HDAC9: variants seen among roughly 807,000 people sequenced by gnomAD.
HDAC9 encodes the protein histone deacetylase 9.
In HDAC9, 41 loss-of-function variants were observed where a neutral mutation model predicts 139.4. That is an observed-to-expected ratio of 0.29 (90% CI 0.23 to 0.38). The LOEUF is 0.38. HDAC9 is among the 10% of genes least tolerant of loss of function. The pLI is 1.00. For synonymous variants in HDAC9, 517 were observed against 476.2 expected (o/e 1.09, Z -1.12); for missense variants, 1,147 against 1,297.0 (o/e 0.88, Z 1.78).
At chr7:18,377,984 C>A (rs773745471) in intron 1 of HDAC9, among the ~76,000 whole-genome samples, 11 of 152,200 alleles carry the variant, frequency 7.2e-5, no homozygotes, top group Non-Finnish European at 1.2e-4. Context: ...TAAAGGAGGT[C>A]TCAGATTCCC....
At chr7:18,769,628 A>C (rs1001861165) in intron 16 of HDAC9, among the ~76,000 whole-genome samples, 3 of 152,092 alleles carry the variant, frequency 2.0e-5, no homozygotes, top group Non-Finnish European at 4.4e-5. Context: ...ATTTTTGTTT[A>C]CAGGAATGAA....
chr7:18,875,589 T>A (rs1307781389), intron 22 of HDAC9, among the ~76,000 whole-genome samples: 3 of 152,218 alleles, frequency 2.0e-5, no homozygotes, highest in Non-Finnish European at 4.4e-5. Context: ...ATTTTTAACA[T>A]GTATTATTTA....
intron 6 of HDAC9, among the ~76,000 whole-genome samples, chr7:18,602,581 A>G (rs1361173777): frequency 1.3e-5 from 2 of 151,922 alleles, no homozygotes; most frequent in Non-Finnish European, 2.9e-5. Flanking sequence ...TATATACACA[A>G]TGCTATAAAT....
intron 17 of HDAC9, among the ~76,000 whole-genome samples, chr7:18,800,650 T>A (rs1417887182): frequency 6.6e-6 from 1 of 152,034 alleles, no homozygotes; most frequent in African/African-American, 2.4e-5. Context: ...CTGGACAATA[T>A]GGCAAAACCC....
intron 24 of HDAC9, among the ~76,000 whole-genome samples, chr7:18,968,147 A>G (rs1784003563): frequency 6.6e-6 from 1 of 152,070 alleles, no homozygotes; most frequent in Non-Finnish European, 1.5e-5. Flanking sequence ...GAGCAACAAG[A>G]GCAAAACTCC....
At chr7:18,458,604 A>G (rs1793558965) in intron 1 of HDAC9, among the ~76,000 whole-genome samples, 1 of 152,218 alleles carries the variant, frequency 6.6e-6, no homozygotes. Flanking sequence ...TTAACTGATG[A>G]ATTTTGGTTT....
At chr7:18,639,451 TTTCTTTTTTTG>T (rs370426401) in intron 8 of HDAC9, among the ~76,000 whole-genome samples, 8 of 147,542 alleles carry the variant, frequency 5.4e-5, no homozygotes, top group African/African-American at 2.2e-4. Context: ...TCAAATGATC[TTTCTTTTTTTG>T]TTTTTTGTTT....
chr7:18,848,832 C>A (rs1797081468), intron 21 of HDAC9, among the ~76,000 whole-genome samples: 1 of 152,014 alleles, frequency 6.6e-6, no homozygotes, highest in Non-Finnish European at 1.5e-5. Flanking sequence ...AAGTGTTTCT[C>A]AACAATAAAG....
At chr7:18,138,140 T>A (rs1338130388) in intron 1 of HDAC9, among the ~76,000 whole-genome samples, 1 of 152,236 alleles carries the variant, frequency 6.6e-6, no homozygotes, top group Non-Finnish European at 1.5e-5. Context: ...TTCTGTGGGA[T>A]CGGTGATGAT....
intron 25 of HDAC9, among the ~76,000 whole-genome samples, chr7:18,986,877 T>C (rs1415564102): frequency 2.6e-5 from 4 of 152,170 alleles, no homozygotes; most frequent in African/African-American, 7.2e-5. Flanking sequence ...TTGTCTGTTG[T>C]TGGTGTATAA....
rs528260947 is a variant in HDAC9, at chr7:18,278,258, G to A, written c.25+115909G>A. On this transcript the variant is annotated intron_variant, in intron 2 of 12. Transcript: ENST00000417496. ...TGGGTACTCAGTGACTTTAGAACACGTCAAGAGATTAGCTTCGTGTCTAGA... is the reference window on the plus strand; with the variant it reads ...TGGGTACTCAGTGACTTTAGAACACATCAAGAGATTAGCTTCGTGTCTAGA... Among the ~76,000 whole-genome samples, 9 of 152,266 alleles carry A rather than the reference G, an allele frequency of 5.9e-5. 1 individual carries two copies. Among genetic ancestry groups the A allele is most frequent in the South Asian group, 2.1e-4 (1 of 4,830 alleles).
chr7:18,405,467 C>A (rs1167253413), intron 1 of HDAC9, among the ~76,000 whole-genome samples: 1 of 151,926 alleles, frequency 6.6e-6, no homozygotes, highest in Non-Finnish European at 1.5e-5. Flanking sequence ...TACAGCACAG[C>A]CAGTATAGAA....
At chr7:18,116,366 T>G (rs1294772966) in intron 1 of HDAC9, among the ~76,000 whole-genome samples, 1 of 152,182 alleles carries the variant, frequency 6.6e-6, no homozygotes, top group African/African-American at 2.4e-5. Context: ...AAGGATAAAG[T>G]GATCAATTTA....
intron 8 of HDAC9, among the ~76,000 whole-genome samples, chr7:18,642,108 C>T (rs1194442989): frequency 1.3e-5 from 2 of 152,076 alleles, no homozygotes; most frequent in Non-Finnish European, 2.9e-5. Context: ...TGTAAAGTTT[C>T]TATGAAGACG....
chr7:18,269,048 C>T (rs1263587096), intron 2 of HDAC9, among the ~76,000 whole-genome samples: 1 of 152,126 alleles, frequency 6.6e-6, no homozygotes. Context: ...ACTTAGATTT[C>T]CATCATTATG....
At chr7:18,511,148 G>C (rs1269478957) in intron 2 of HDAC9, among the ~76,000 whole-genome samples, 2 of 152,088 alleles carry the variant, frequency 1.3e-5, no homozygotes, top group Non-Finnish European at 2.9e-5. Context: ...TTTGCTAAAA[G>C]ATGAACATAA....
chr7:18,169,317 C>T (rs944436819), intron 2 of HDAC9, among the ~76,000 whole-genome samples: 1 of 152,036 alleles, frequency 6.6e-6, no homozygotes, highest in Non-Finnish European at 1.5e-5. Context: ...GTCTCCTTAT[C>T]CACTGCACCC....
upstream of HDAC9, among the ~76,000 whole-genome samples, chr7:18,286,910 G>T (rs1055681009): frequency 1.3e-5 from 2 of 152,062 alleles, no homozygotes; most frequent in Non-Finnish European, 2.9e-5. Flanking sequence ...AGTCAGACTT[G>T]CCTCCTTCCT....
intron 1 of HDAC9, among the ~76,000 whole-genome samples, chr7:18,138,038 G>A (rs1785565221): frequency 6.6e-6 from 1 of 152,196 alleles, no homozygotes; most frequent in African/African-American, 2.4e-5. Flanking sequence ...TCTTGGGAGA[G>A]TGTATGTGTT....
Sources: gnomAD v4.1 joint callset for allele counts (sites outside exome capture counted in the v4.1 genomes callset) on GRCh38, gnomAD v4.1.1 for gene constraint, MANE v1.5 for transcripts, NCBI Gene and HGNC (gene_info 2026-07-23, HGNC 2026-07-21) for gene names.